The following CNTN5 variants were observed in gnomAD, a reference collection of about 807,000 sequenced individuals.
CNTN5 encodes contactin 5.
In CNTN5, 77 loss-of-function variants were observed where a neutral mutation model predicts 129.1. The observed-to-expected ratio is 0.60, with a 90% CI of 0.50 to 0.72. The LOEUF is 0.72. CNTN5 is among the 30% of genes least tolerant of loss of function. The pLI is 0.00. For synonymous variants in CNTN5, 509 were observed against 465.6 expected, an observed-to-expected ratio of 1.09 and a Z score of -1.20; for missense variants, 1,478 against 1,328.8, an observed-to-expected ratio of 1.11 and a Z score of -1.75.
chr11:99,229,313 G>A (rs1443125316), intron 1 of CNTN5, among the ~76,000 whole-genome samples: 1 of 151,886 alleles, frequency 6.6e-6, no homozygotes, highest in Admixed American at 6.6e-5. Flanking sequence ...GCTCTTACTG[G>A]AACACATGTT....
At chr11:99,488,317 C>T (rs1945900907) in intron 2 of CNTN5, among the ~76,000 whole-genome samples, 1 of 151,792 alleles carries the variant, frequency 6.6e-6, no homozygotes, top group African/African-American at 2.4e-5. Flanking sequence ...CAACTATAGG[C>T]ATGCACCACC....
chr11:99,837,310 T>C (rs1591284826), intron 4 of CNTN5, among the ~76,000 whole-genome samples: 1 of 152,198 alleles, frequency 6.6e-6, no homozygotes, highest in Admixed American at 6.5e-5. Flanking sequence ...CTGGACACTA[T>C]AACAAATTAC....
chr11:99,705,836 A>T (rs757463377), intron 3 of CNTN5, among the ~76,000 whole-genome samples: 24 of 151,358 alleles, frequency 1.6e-4, no homozygotes, highest in Non-Finnish European at 2.8e-4. Flanking sequence ...GAGATTACAT[A>T]GTCCTGATCC....
At chr11:99,927,138 G>C (rs576716387) in intron 7 of CNTN5, among the ~76,000 whole-genome samples, 1 of 152,154 alleles carries the variant, frequency 6.6e-6, no homozygotes, top group South Asian at 2.1e-4. Context: ...TTTAAGTTTT[G>C]CCTAGAATTA....
intron 6 of CNTN5, among the ~76,000 whole-genome samples, chr11:99,900,593 T>C (rs904093529): frequency 1.3e-5 from 2 of 152,170 alleles, no homozygotes; most frequent in East Asian, 1.9e-4. Context: ...ACATGATCTT[T>C]TTTGTTTTCA....
chr11:99,782,509 C>T (rs992573164), intron 3 of CNTN5, among the ~76,000 whole-genome samples: 3 of 151,302 alleles, frequency 2.0e-5, no homozygotes, highest in Non-Finnish European at 2.9e-5. Context: ...AAAAAGAGCC[C>T]GCATTGCCAA....
At chr11:99,463,916 A>AT (rs1944834387) in intron 2 of CNTN5, among the ~76,000 whole-genome samples, 1 of 152,178 alleles carries the variant, frequency 6.6e-6, no homozygotes, top group Non-Finnish European at 1.5e-5. Flanking sequence ...AAGATTATTG[A>AT]TTTTTCTGAA....
At chr11:99,755,696 A>G (rs181651307) in intron 3 of CNTN5, among the ~76,000 whole-genome samples, 10 of 152,086 alleles carry the variant, frequency 6.6e-5, no homozygotes, top group African/African-American at 2.4e-4. Context: ...TGTCTTTCAT[A>G]GCTTTTTCAT....
At chr11:100,135,249 C>G (rs1946488450) in intron 13 of CNTN5, among the ~76,000 whole-genome samples, 1 of 147,952 alleles carries the variant, frequency 6.8e-6, no homozygotes, top group African/African-American at 2.5e-5. Flanking sequence ...GATCTCAGCT[C>G]ACTGCAATGT....
At chr11:99,178,340 ACACACAC>A (rs1343358095) in intron 1 of CNTN5, among the ~76,000 whole-genome samples, 1 of 150,466 alleles carries the variant, frequency 6.6e-6, no homozygotes, top group East Asian at 2.0e-4. Flanking sequence ...ACACACACAC[ACACACAC>A]ACACACACAC....
chr11:99,957,488 T>A (rs1042018934), intron 8 of CNTN5, among the ~76,000 whole-genome samples: 7 of 152,216 alleles, frequency 4.6e-5, no homozygotes, highest in African/African-American at 1.4e-4. Flanking sequence ...ACTGTAACTT[T>A]TAGGTGCAAA....
intron 2 of CNTN5, among the ~76,000 whole-genome samples, chr11:99,446,412 G>C (rs910515942): frequency 6.6e-6 from 1 of 151,958 alleles, no homozygotes; most frequent in African/African-American, 2.4e-5. Context: ...TTTTCACTTG[G>C]TTAGTTCAGT....
At chr11:99,033,019 T>A (rs1157914833) in intron 1 of CNTN5, among the ~76,000 whole-genome samples, 1 of 141,096 alleles carries the variant, frequency 7.1e-6, no homozygotes, top group African/African-American at 2.8e-5. Flanking sequence ...ATTTATTAAA[T>A]AGGGAATCCT....
At chr11:99,064,303 C>A (rs1865010896) in intron 1 of CNTN5, among the ~76,000 whole-genome samples, 1 of 152,148 alleles carries the variant, frequency 6.6e-6, no homozygotes, top group Non-Finnish European at 1.5e-5. Context: ...GCTGCATGGG[C>A]ATGATTTGCC....
intron 1 of CNTN5, among the ~76,000 whole-genome samples, chr11:99,164,788 TATGTGTGTGC>T (rs1462765106): frequency 6.6e-6 from 1 of 152,212 alleles, no homozygotes; most frequent in East Asian, 1.9e-4. Flanking sequence ...TGAGTATGAT[TATGTGTGTGC>T]ATGTGTGTGT....
At chr11:99,268,732 A>T (rs541552474) in intron 1 of CNTN5, among the ~76,000 whole-genome samples, 1 of 152,030 alleles carries the variant, frequency 6.6e-6, no homozygotes. Context: ...CCTTACAAAA[A>T]ATATGGATAT....
intron 4 of CNTN5, among the ~76,000 whole-genome samples, chr11:99,821,736 C>A (rs1214563910): frequency 6.6e-6 from 1 of 152,080 alleles, no homozygotes; most frequent in East Asian, 1.9e-4. Flanking sequence ...AAAATAAGAC[C>A]CCCCTTCAAA....
intron 1 of CNTN5, among the ~76,000 whole-genome samples, chr11:99,310,358 A>G (rs575276922): frequency 6.6e-6 from 1 of 152,314 alleles, no homozygotes; most frequent in South Asian, 2.1e-4. Context: ...GTTTTCAGAA[A>G]GACATTTATA....
intron 3 of CNTN5, among the ~76,000 whole-genome samples, chr11:99,727,933 G>C (rs1943408079): frequency 6.6e-6 from 1 of 152,036 alleles, no homozygotes; most frequent in African/African-American, 2.4e-5. Context: ...GAGTCACAGA[G>C]AGTTTAAATC....
Sources: allele counts gnomAD v4.1 joint callset (sites outside exome capture counted in the v4.1 genomes callset), GRCh38; gene constraint gnomAD v4.1.1; transcripts MANE v1.5; gene names NCBI Gene and HGNC (gene_info 2026-07-23, HGNC 2026-07-21).